The following TYW1 variants were observed in gnomAD, a reference collection of about 807,000 sequenced individuals.
TYW1 encodes the protein tRNA-yW synthesizing protein 1 homolog.
A neutral mutation model predicts 96.2 loss-of-function variants in TYW1; 46 were observed. That is an observed-to-expected ratio of 0.48 (90% CI 0.38 to 0.61). TYW1 has a LOEUF of 0.61. Among genes scored for constraint, TYW1 ranks in the 20% least tolerant of loss-of-function variants. The pLI is 0.00. For synonymous variants in TYW1, 274 were observed against 323.0 expected (o/e 0.85, Z 1.63); for missense variants, 684 against 909.6 (o/e 0.75, Z 3.19).
intron 7 of TYW1, among the ~76,000 whole-genome samples, chr7:67,041,739 G>A (rs184468141): frequency 4.0e-4 from 61 of 152,204 alleles, no homozygotes; most frequent in African/African-American, 1.4e-3. Context: ...GAGTTGGGTC[G>A]AAGCACTGTC....
chr7:67,211,233 TATCTCACACACAGATG>T (rs1431686799), intron 15 of TYW1, among the ~76,000 whole-genome samples: 2 of 149,040 alleles, frequency 1.3e-5, no homozygotes, highest in East Asian at 1.9e-4. Flanking sequence ...TCTCCAGGAT[TATCTCACACACAGATG>T]GTCCCAACTT....
At chr7:67,158,127 C>T (rs756570967) in intron 13 of TYW1, among the ~76,000 whole-genome samples, 5 of 123,184 alleles carry the variant, frequency 4.1e-5, no homozygotes, top group South Asian at 2.5e-4. Flanking sequence ...CTTGCTGTGT[C>T]GCCTAGGCTG....
In TYW1 at chr7:67,009,703, C is replaced by A. The variant is rs1194433789; in HGVS notation, c.375+19C>A. 1.1e-5 allele frequency: 18 copies of A among 1,574,866 alleles called. No homozygotes were observed. The highest frequency in any genetic ancestry group is 1.9e-5 in the Admixed American group (1 of 51,498). Reference sequence around the variant, plus strand: ...AGAAGAGGTTGGTAATTGTCTTTTTCTTCAGTCAAAACTCTCAAATTTAAC... The same window carrying A: ...AGAAGAGGTTGGTAATTGTCTTTTTATTCAGTCAAAACTCTCAAATTTAAC... On this transcript the variant is annotated intron_variant, in intron 4 of 15. Coordinates refer to ENST00000359626, the MANE Select transcript of TYW1 (RefSeq NM_018264.4).
intron 13 of TYW1, among the ~76,000 whole-genome samples, chr7:67,160,165 G>A (rs1457785893): frequency 6.6e-6 from 1 of 152,162 alleles, no homozygotes; most frequent in Non-Finnish European, 1.5e-5. Context: ...GGGAGGCTGA[G>A]GTGGGCGAAT....
At chr7:67,215,557 C>T (rs1916857) in intron 15 of TYW1, among the ~76,000 whole-genome samples, 2 of 152,172 alleles carry the variant, frequency 1.3e-5, no homozygotes, top group Non-Finnish European at 2.9e-5. Flanking sequence ...CTTCCTGTCA[C>T]CTCTCCCTTT....
intron 13 of TYW1, among the ~76,000 whole-genome samples, chr7:67,171,902 G>A (rs1456099602): frequency 1.3e-5 from 2 of 151,776 alleles, no homozygotes; most frequent in African/African-American, 2.4e-5. Flanking sequence ...TTTGTGTCAT[G>A]CAGTCAGTAT....
At chr7:67,076,595 C>T (rs1418589814) in intron 10 of TYW1, among the ~76,000 whole-genome samples, 1 of 151,896 alleles carries the variant, frequency 6.6e-6, no homozygotes, top group African/African-American at 2.4e-5. Flanking sequence ...TGTCCCTCAG[C>T]CTCCCAAGTA....
At chr7:67,173,460 G>T (rs1292052291) in intron 13 of TYW1, among the ~76,000 whole-genome samples, 1 of 152,212 alleles carries the variant, frequency 6.6e-6, no homozygotes, top group African/African-American at 2.4e-5. Flanking sequence ...TTTTTGTCAA[G>T]AATACTTAAT....
intron 14 of TYW1, among the ~76,000 whole-genome samples, chr7:67,194,669 TTTAAGGAAAAAG>T (rs1444976393): frequency 6.6e-6 from 1 of 150,984 alleles, no homozygotes; most frequent in Non-Finnish European, 1.5e-5. Context: ...TATCTGTCAC[TTTAAGGAAAAAG>T]TTTGCCAGTT....
At chr7:67,002,266 G>T (rs912712413) in intron 3 of TYW1, among the ~76,000 whole-genome samples, 1 of 151,350 alleles carries the variant, frequency 6.6e-6, no homozygotes, top group Non-Finnish European at 1.5e-5. Context: ...GCCCAGGCTG[G>T]TCTTGACTCC....
intron 7 of TYW1, among the ~76,000 whole-genome samples, chr7:67,038,545 G>T (rs761755968): frequency 7.2e-5 from 11 of 152,012 alleles, no homozygotes; most frequent in African/African-American, 1.5e-4. Flanking sequence ...GGTCAAGGCT[G>T]CAGTGAGCTA....
intron 15 of TYW1, among the ~76,000 whole-genome samples, chr7:67,223,219 A>T (rs12155193): frequency 1.3e-5 from 2 of 151,788 alleles, no homozygotes; most frequent in Admixed American, 1.3e-4. Context: ...TTTTGGATGG[A>T]CCGTATATCA....
At chr7:67,120,788 A>C (rs10224228) in intron 13 of TYW1, among the ~76,000 whole-genome samples, 4 of 152,082 alleles carry the variant, frequency 2.6e-5, no homozygotes, top group African/African-American at 9.7e-5. Flanking sequence ...TTCTTACCTC[A>C]AAGTCACTAG....
chr7:67,033,698 C>CTTTTTT (rs576428706), intron 7 of TYW1, among the ~76,000 whole-genome samples: 1 of 141,448 alleles, frequency 7.1e-6, no homozygotes. Flanking sequence ...CTGGGGGACC[C>CTTTTTT]TTTTTTTTTT....
intron 15 of TYW1, among the ~76,000 whole-genome samples, chr7:67,221,095 T>C (rs1801379837): frequency 6.6e-6 from 1 of 152,216 alleles, no homozygotes; most frequent in Non-Finnish European, 1.5e-5. Flanking sequence ...GGTATTGAAG[T>C]CTCTGAGTAT....
At chr7:67,221,096 C>A (rs144262920) in intron 15 of TYW1, among the ~76,000 whole-genome samples, 15,090 of 152,208 alleles carry the variant, frequency 0.099, 817 homozygotes, top group Middle Eastern at 0.14. Flanking sequence ...GTATTGAAGT[C>A]TCTGAGTATT....
At chr7:67,055,059 C>T (rs947146225) in intron 8 of TYW1, among the ~76,000 whole-genome samples, 5 of 152,132 alleles carry the variant, frequency 3.3e-5, no homozygotes, top group Admixed American at 6.5e-5. Flanking sequence ...GATAGCTCCC[C>T]GTTCATTTGA....
chr7:67,176,186 A>G (rs1313642588), intron 13 of TYW1, among the ~76,000 whole-genome samples: 1 of 152,228 alleles, frequency 6.6e-6, no homozygotes, highest in East Asian at 1.9e-4. Context: ...AAAGTATATT[A>G]CCTAGGAATA....
intron 13 of TYW1, among the ~76,000 whole-genome samples, chr7:67,137,492 T>A (rs1217589350): frequency 6.6e-6 from 1 of 152,082 alleles, no homozygotes; most frequent in African/African-American, 2.4e-5. Context: ...AAGGAAAATT[T>A]GAAACTGTGC....
Sources: allele counts gnomAD v4.1 joint callset (sites outside exome capture counted in the v4.1 genomes callset), GRCh38; gene constraint gnomAD v4.1.1; transcripts MANE v1.5; gene names NCBI Gene and HGNC (gene_info 2026-07-23, HGNC 2026-07-21).